The following TRPC5 variants were observed in gnomAD, a reference collection of about 807,000 sequenced individuals.
The protein encoded by TRPC5 is short transient receptor potential channel 5.
In TRPC5, 9 loss-of-function variants were observed where a neutral mutation model predicts 56.5. That is an observed-to-expected ratio of 0.16 (90% CI 0.10 to 0.28). The LOEUF (loss-of-function observed/expected upper bound fraction) is 0.28, where lower values mean the gene tolerates loss of function less well. Ranked by LOEUF, TRPC5 falls within the 10% of genes least tolerant of loss-of-function variation. The pLI is 1.00. For synonymous variants in TRPC5, 282 were observed against 278.5 expected, an observed-to-expected ratio of 1.01 and a Z score of -0.13; for missense variants, 469 against 748.9, an observed-to-expected ratio of 0.63 and a Z score of 4.36.
chrX:111,795,744 T>A (rs2148557598), intron 7 of TRPC5, among the ~76,000 whole-genome samples: 1 of 112,065 alleles, frequency 8.9e-6, no homozygotes, highest in Admixed American at 9.5e-5. Flanking sequence ...ATGTATAGAT[T>A]AATTTTTTTC....
intron 3 of TRPC5, among the ~76,000 whole-genome samples, chrX:111,879,528 C>A (rs1296522779): frequency 8.9e-6 from 1 of 112,270 alleles, no homozygotes; most frequent in Non-Finnish European, 1.9e-5. Flanking sequence ...TCCAATAAAC[C>A]AGTCAGCACA....
chrX:111,826,399 A>G (rs1922239119), intron 7 of TRPC5, among the ~76,000 whole-genome samples: 1 of 112,258 alleles, frequency 8.9e-6, no homozygotes, highest in Admixed American at 9.5e-5. Context: ...TACCCAAGGG[A>G]GGAGGGCACT....
intron 7 of TRPC5, among the ~76,000 whole-genome samples, chrX:111,824,937 A>G (rs775485353): frequency 9.0e-6 from 1 of 111,365 alleles, no homozygotes; most frequent in Admixed American, 9.6e-5. Flanking sequence ...GCCAAAAATG[A>G]AATCTGATAC....
At chrX:111,817,073 C>T (rs187231654) in intron 7 of TRPC5, among the ~76,000 whole-genome samples, 1 of 111,499 alleles carries the variant, frequency 9.0e-6, no homozygotes, top group African/African-American at 3.3e-5. Context: ...ATCCTCCTTA[C>T]ATCCTTAGAA....
intron 1 of TRPC5, among the ~76,000 whole-genome samples, chrX:112,043,175 C>T (rs748950114): frequency 8.9e-6 from 1 of 112,118 alleles, no homozygotes; most frequent in African/African-American, 3.2e-5. Flanking sequence ...TTCTCAAAGT[C>T]CCTAGTGCAG....
chrX:111,799,074 TG>T (rs993680401), intron 7 of TRPC5, among the ~76,000 whole-genome samples: 5 of 110,671 alleles, frequency 4.5e-5, no homozygotes, highest in Admixed American at 9.7e-5. Context: ...GTTCTGTTCT[TG>T]GGGGGGAAAT....
chrX:112,002,946 T>C (rs1279926172), intron 1 of TRPC5, among the ~76,000 whole-genome samples: 1 of 111,529 alleles, frequency 9.0e-6, no homozygotes, highest in African/African-American at 3.3e-5. Flanking sequence ...TAGGTCCCCC[T>C]CCTACCTCAA....
chrX:111,886,551 G>A (rs1052290731), intron 3 of TRPC5, among the ~76,000 whole-genome samples: 1 of 111,520 alleles, frequency 9.0e-6, no homozygotes, highest in South Asian at 3.8e-4. Context: ...GACTTAGTAG[G>A]GTCAAGCCTC....
chrX:111,840,233 C>G (rs1922690923), intron 6 of TRPC5, among the ~76,000 whole-genome samples: 1 of 111,958 alleles, frequency 8.9e-6, no homozygotes, highest in African/African-American at 3.2e-5. Flanking sequence ...TGCTATATTG[C>G]CCATGCTTGT....
At chrX:111,907,730 C>A (rs906369780) in intron 3 of TRPC5, among the ~76,000 whole-genome samples, 23 of 111,373 alleles carry the variant, frequency 2.1e-4, no homozygotes, top group Non-Finnish European at 3.4e-4. Flanking sequence ...TGCCTACTTT[C>A]ATCCAATCCT....
chrX:111,889,644 T>G (rs920429287), intron 3 of TRPC5, among the ~76,000 whole-genome samples: 1 of 111,596 alleles, frequency 9.0e-6, no homozygotes, highest in Non-Finnish European at 1.9e-5. Flanking sequence ...CTTAGAAACT[T>G]TGGGAGGTAG....
At chrX:111,907,204 G>A (rs1254865141) in intron 3 of TRPC5, among the ~76,000 whole-genome samples, 2 of 110,421 alleles carry the variant, frequency 1.8e-5, no homozygotes, top group South Asian at 4.0e-4. Context: ...CTAGATCCTG[G>A]GGTGTGACCC....
chrX:112,029,555 T>C (rs6655166), intron 1 of TRPC5, among the ~76,000 whole-genome samples: 22,574 of 110,773 alleles, frequency 0.2, 2,440 homozygotes, highest in African/African-American at 0.41. Context: ...TTTTAGTTTT[T>C]TGAGGAATCT....
chrX:111,991,107 A>G (rs754363221), intron 1 of TRPC5, among the ~76,000 whole-genome samples: 1 of 111,392 alleles, frequency 9.0e-6, no homozygotes, highest in African/African-American at 3.3e-5. Context: ...TTGTGTCTCT[A>G]TCTCTTCTAG....
At chrX:112,045,222 C>T (rs1347088947) in intron 1 of TRPC5, among the ~76,000 whole-genome samples, 1 of 111,712 alleles carries the variant, frequency 9.0e-6, no homozygotes, top group Non-Finnish European at 1.9e-5. Flanking sequence ...TAGATGCAAT[C>T]ACATGTACCT....
chrX:111,891,579 C>T (rs182982606), intron 3 of TRPC5, among the ~76,000 whole-genome samples: 3 of 111,172 alleles, frequency 2.7e-5, no homozygotes, highest in East Asian at 2.8e-4. Flanking sequence ...CTCACACTGT[C>T]GCCCAGGCTG....
At chrX:111,950,797 C>T (rs1019786496) in intron 2 of TRPC5, among the ~76,000 whole-genome samples, 1 of 112,165 alleles carries the variant, frequency 8.9e-6, no homozygotes, top group Admixed American at 9.5e-5. Context: ...TTCATTTCTC[C>T]CTTATGAAGA....
intron 2 of TRPC5, among the ~76,000 whole-genome samples, chrX:111,939,078 A>T (rs956303014): frequency 1.3e-4 from 14 of 111,933 alleles, no homozygotes; most frequent in Non-Finnish European, 1.7e-4. Context: ...TGTTCCTTGT[A>T]CATGCAGAGT....
intron 1 of TRPC5, among the ~76,000 whole-genome samples, chrX:111,957,629 A>T (rs1215317833): frequency 9.0e-6 from 1 of 111,637 alleles, no homozygotes; most frequent in African/African-American, 3.3e-5. Context: ...GACTACTTCA[A>T]TGAAGGCAGA....
Sources: gnomAD v4.1 joint callset for allele counts (sites outside exome capture counted in the v4.1 genomes callset) on GRCh38, gnomAD v4.1.1 for gene constraint, MANE v1.5 for transcripts, NCBI Gene and HGNC (gene_info 2026-07-23, HGNC 2026-07-21) for gene names.